The following TEX101 variants were observed in gnomAD, a reference collection of about 807,000 sequenced individuals.
The protein encoded by TEX101 is testis expressed 101.
TEX101 carries 10 observed loss-of-function variants against 18.1 expected under a neutral mutation model. The ratio of observed to expected loss-of-function variants is 0.55; its 90% confidence interval spans 0.34 to 0.94. TEX101 has a LOEUF of 0.94. Among genes scored for constraint, TEX101 ranks in the 40% least tolerant of loss-of-function variants. TEX101 has a pLI of 0.02. For synonymous variants in TEX101, 94 were observed against 114.8 expected (o/e 0.82, Z 1.16); for missense variants, 259 against 298.9 (o/e 0.87, Z 0.98).
chr19:43,389,721 C>A, the TEX101 span, among the ~76,000 whole-genome samples: 3 of 152,308 alleles, frequency 2.0e-5, no homozygotes, highest in Admixed American at 6.5e-5. Context: ...GGCACCCGAC[C>A]CCTCAGCCGG....
upstream of TEX101, among the ~76,000 whole-genome samples, chr19:43,413,265 T>TG (rs889566602): frequency 7.2e-5 from 11 of 151,882 alleles, no homozygotes; most frequent in African/African-American, 2.2e-4. Context: ...CCCAGCACTT[T>TG]GGGGGGCGGG....
intron 3 of TEX101, chr19:43,406,606 A>G (rs1204567303): frequency 2.8e-5 from 17 of 604,404 alleles, no homozygotes; most frequent in Non-Finnish European, 4.8e-5. Flanking sequence ...GCGAGTTTCG[A>G]GAGAGACTCT....
the TEX101 span, among the ~76,000 whole-genome samples, chr19:43,391,122 C>A: frequency 6.6e-6 from 1 of 152,150 alleles, no homozygotes; most frequent in Non-Finnish European, 1.5e-5. Flanking sequence ...ACATATAGAC[C>A]ACGTTTTGCT....
Position 43,416,179 on chromosome 19 carries a change from G to A in TEX101, c.145G>A (p.Glu49Lys). 6.2e-7 allele frequency: 1 copy of A among 1,613,996 alleles called. No homozygotes were observed. Among genetic ancestry groups the A allele is most frequent in the Non-Finnish European group, 8.5e-7 (1 of 1,179,964 alleles). The change falls in exon 3 of 6, where the codon GAG becomes AAG. Residue 49 changes from glutamate (E) to lysine (K), a missense_variant. Physicochemically the swap from Glu to Lys is moderately conservative, Grantham distance 56. Transcript: ENST00000598265. ...DPANMFNWTT[E>K]EVETCDKGAL... The stretch of plus-strand genomic sequence containing the variant: ...AGCCAATATGTTTAACTGGACCACA[G>A]AGGAAGTGGAGACTTGTGACAAAGG...
At chr19:43,394,532 G>A in the TEX101 span, among the ~76,000 whole-genome samples, 487 of 151,138 alleles carry the variant, frequency 3.2e-3, 1 homozygote, top group African/African-American at 0.011. Flanking sequence ...GTACAATGGC[G>A]TAATCTTGGC....
chr19:43,405,844 G>GGC (rs1442757874), intron 2 of TEX101, among the ~76,000 whole-genome samples: 2 of 152,014 alleles, frequency 1.3e-5, no homozygotes, highest in Non-Finnish European at 2.9e-5. Context: ...GAACCCAGGA[G>GGC]GCGGAGGTTG....
the TEX101 span, among the ~76,000 whole-genome samples, chr19:43,396,168 A>G: frequency 1.8e-4 from 27 of 152,366 alleles, no homozygotes. Flanking sequence ...ATCAGCCAGA[A>G]ATGGGATCCT....
chr19:43,409,421 A>C (rs1970399408), intron 3 of TEX101, among the ~76,000 whole-genome samples: 2 of 152,208 alleles, frequency 1.3e-5, no homozygotes, highest in South Asian at 2.1e-4. Context: ...GCAGCTTTAG[A>C]CCTAACAATG....
the TEX101 span, among the ~76,000 whole-genome samples, chr19:43,394,045 GC>G: frequency 6.6e-6 from 1 of 151,436 alleles, no homozygotes; most frequent in Non-Finnish European, 1.5e-5. Context: ...GGAATTTATT[GC>G]AGAGATGGGG....
chr19:43,396,336 G>A, the TEX101 span, among the ~76,000 whole-genome samples: 2 of 152,180 alleles, frequency 1.3e-5, no homozygotes, highest in Non-Finnish European at 1.5e-5. Context: ...CCACTTTTAC[G>A]ATCTGAATAG....
the TEX101 span, among the ~76,000 whole-genome samples, chr19:43,388,678 T>C: frequency 6.6e-6 from 1 of 152,242 alleles, no homozygotes; most frequent in Admixed American, 6.5e-5. Flanking sequence ...AGTCACCGTG[T>C]ATCTGGAGAC....
chr19:43,414,282 T>G (rs1360302700), upstream of TEX101, among the ~76,000 whole-genome samples: 1 of 152,202 alleles, frequency 6.6e-6, no homozygotes, highest in Admixed American at 6.5e-5. Context: ...CAGCAGCCTG[T>G]GCCATCATAG....
rs1970457687 is a variant in TEX101 at position 43,415,020 on chromosome 19, C to CA, written c.-57dup. The CA allele has an allele frequency of 4.1e-6, 4 of 985,296 alleles. No homozygotes were observed. The African/African-American group carries it at 7.0e-5, about 17-fold the overall frequency. 61.0% of individuals were successfully genotyped at this position (985,296 alleles called of 1,614,324 possible). A position where few individuals can be genotyped will look rare whatever the true frequency, so the allele number is the denominator to read the frequency against. ...AAAGAGAAAAAGAAGGCTAGGGACT[C>CA]AGATTCCTGGATTCTGAGGAAAGAG... On this transcript the variant is annotated 5_prime_UTR_variant, in exon 1 of 6. Coordinates refer to ENST00000598265, the MANE Select transcript of TEX101 (RefSeq NM_001130011.3).
intron 2 of TEX101, chr19:43,406,080 A>AC (rs2042574296): frequency 6.4e-6 from 1 of 156,226 alleles, no homozygotes; most frequent in Non-Finnish European, 1.3e-5. Context: ...CCCTGTCTCT[A>AC]CAAAAAAAAA....
At chr19:43,393,067 G>A in the TEX101 span, among the ~76,000 whole-genome samples, 1 of 146,904 alleles carries the variant, frequency 6.8e-6, no homozygotes, top group Non-Finnish European at 1.5e-5. Context: ...AGAAAAGAAA[G>A]AAAGAAGGGA....
the TEX101 span, among the ~76,000 whole-genome samples, chr19:43,389,976 G>T: frequency 5.9e-5 from 9 of 152,146 alleles, no homozygotes; most frequent in Non-Finnish European, 8.8e-5. Flanking sequence ...TGGCAGAGAT[G>T]ATCTTTTTCA....
rs112870030 is a variant in TEX101 at position 43,408,238 on chromosome 19, G to A, written c.15+1719G>A. ...CTTCCGGGGGTGGAGAGGCGGTGAG[G>A]GCCGCCCCCGCAGCGTCCTGTTTGG... On this transcript the variant is annotated intron_variant, in intron 3 of 7. Coordinates refer to the TEX101 transcript ENST00000602198. 2.9e-3 allele frequency among the ~76,000 whole-genome samples: 435 copies of A among 152,264 alleles called. 2 individuals carry two copies. Among genetic ancestry groups the A allele is most frequent in the African/African-American group, 0.01 (416 of 41,564 alleles).
intron 3 of TEX101, among the ~76,000 whole-genome samples, chr19:43,408,131 G>A (rs569648443): frequency 1.3e-5 from 2 of 152,150 alleles, no homozygotes; most frequent in Non-Finnish European, 2.9e-5. Context: ...CGTCTCTCCC[G>A]TGAGCCTGCC....
intron 2 of TEX101, among the ~76,000 whole-genome samples, chr19:43,406,032 G>A (rs1421960397): frequency 1.4e-5 from 2 of 139,788 alleles, no homozygotes; most frequent in Non-Finnish European, 3.0e-5. Context: ...ATCACTTGAG[G>A]CCAGGAGTTT....
Sources: gnomAD v4.1 joint callset for allele counts (sites outside exome capture counted in the v4.1 genomes callset) on GRCh38, gnomAD v4.1.1 for gene constraint, MANE v1.5 for transcripts, NCBI Gene and HGNC (gene_info 2026-07-23, HGNC 2026-07-21) for gene names.